KRT4: variants seen among roughly 807,000 people sequenced by gnomAD.
KRT4 encodes keratin, type II cytoskeletal 4.
A neutral mutation model predicts 50.6 loss-of-function variants in KRT4; 47 were observed. The observed-to-expected ratio is 0.93, with a 90% CI of 0.73 to 1.18. The LOEUF is 1.18. Ranked by LOEUF, KRT4 falls within the 50% of genes most tolerant of loss-of-function variation. KRT4 has a pLI of 0.00. For synonymous variants in KRT4, 254 were observed against 251.2 expected (o/e 1.01, Z -0.10); for missense variants, 651 against 645.7 (o/e 1.01, Z -0.09).
In KRT4 at chr12:52,809,397, C is replaced by T. The variant is rs759039275; in HGVS notation, c.820G>A (p.Val274Ile). Residue 274 changes from valine (V) to isoleucine (I), a missense_variant, in exon 4 of 9, where the codon GTC (valine) becomes ATC (isoleucine). By Grantham distance (29) the Val-to-Ile change is conservative (BLOSUM62 3). Coordinates refer to ENST00000551956, the MANE Select transcript of KRT4 (RefSeq NM_002272.4). ...SLNDEINFLK[V>I]LYDAELSQMQ... The stretch of plus-strand genomic sequence containing the variant: ...GGAGCCCTCACCGCATCATAGAGGA[C>T]CTTCAGGAAGTTGATCTCGTCATTA... 59 of 1,613,188 alleles carry T rather than the reference C, an allele frequency of 3.7e-5. 2 individuals carry two copies. The South Asian group carries it at 6.3e-4, about 17-fold the overall frequency.
At chr12:52,808,152 G>A in intron 6 of KRT4, 142 bp downstream of exon 6, 4 of 1,112,472 alleles carry the variant, frequency 3.6e-6, no homozygotes, top group South Asian at 1.3e-5. Flanking sequence ...AAAAATCTGG[G>A]TATGCCTTGC....
At chr12:52,807,513 T>G in intron 7 of KRT4, 120 bp from the exon 8 acceptor site, 1 of 1,484,478 alleles carries the variant, frequency 6.7e-7, no homozygotes, top group Non-Finnish European at 9.4e-7. Context: ...AGTGTGAACC[T>G]ATTAGCTGAG....
At chr12:52,809,294 G>A in intron 4 of KRT4, 89 bp downstream of exon 4, 2 of 978,568 alleles carry the variant, frequency 2.0e-6, no homozygotes, top group South Asian at 1.3e-5. Context: ...GGGAGCTGGA[G>A]TCCTTTCAAA....
At chr12:52,810,118 A>G (rs1939882886) in intron 3 of KRT4, among the ~76,000 whole-genome samples, 2 of 147,810 alleles carry the variant, frequency 1.4e-5, no homozygotes, top group Non-Finnish European at 1.5e-5. Flanking sequence ...GAGGGCTGGG[A>G]GGGGCTGGAT....
At position 52,813,723 on chromosome 12, in the gene KRT4, G is replaced by A. The variant is rs1371103833; in HGVS notation, c.336C>T (p.Val112=). The change falls in exon 1 of 9, where the codon GTC becomes GTT. Residue 112 remains valine (V), a synonymous_variant. Transcript: ENST00000551956. ...GGGTGAGCAAGCTCTGGTTGATGGTGACCTCCTGAATTCCCCCAGCGGGGC... is the reference window on the plus strand; with the variant it reads ...GGGTGAGCAAGCTCTGGTTGATGGTAACCTCCTGAATTCCCCCAGCGGGGC... The part of the protein sequence containing the change: ...PVCPAGGIQE[V]TINQSLLTPL... 1 of 1,614,030 alleles carries A rather than the reference G, an allele frequency of 6.2e-7. No individual in the cohort carries two copies. The highest frequency in any genetic ancestry group is 8.5e-7 in the Non-Finnish European group (1 of 1,179,972).
At position 52,813,482 on chromosome 12, in the gene KRT4, G is replaced by A. The variant is rs1399198033; in HGVS notation, c.462+115C>T. 2.6e-5 allele frequency: 23 copies of A among 890,124 alleles called. No homozygotes were observed. The Admixed American group carries it at 3.8e-4, about 15-fold the overall frequency. 55.1% of individuals were successfully genotyped at this position (890,124 alleles called of 1,614,324 possible). ...GCCCCTTCAACAGCTGGAGAATTGG[G>A]GCCCAGGGAAGTTCAGTGGTCTCCC... On this transcript the variant is annotated intron_variant, in intron 1 of 8. Coordinates refer to ENST00000551956, the MANE Select transcript of KRT4 (RefSeq NM_002272.4).
At position 52,809,065 on chromosome 12, in the gene KRT4, A is replaced by G. The variant is rs1020688243; in HGVS notation, c.835-215T>C. 7.1e-5 allele frequency: 47 copies of G among 658,198 alleles called. No individual in the cohort carries two copies. In the African/African-American group the frequency reaches 7.8e-4, roughly 11 times the overall value. The allele number at this position is 658,198 out of a possible 1,614,324, so 40.8% of individuals were successfully genotyped here. The stretch of plus-strand genomic sequence containing the variant: ...CAGGAACCATAAGCCACTCTAATGC[A>G]GTGAGTGCCGGTGTGTTGGAATGGA... On this transcript the variant is annotated intron_variant, in intron 4 of 8. Coordinates refer to ENST00000551956, the MANE Select transcript of KRT4 (RefSeq NM_002272.4).
intron 3 of KRT4, among the ~76,000 whole-genome samples, chr12:52,810,499 A>T (rs1406039325): frequency 6.6e-6 from 1 of 152,140 alleles, no homozygotes; most frequent in Non-Finnish European, 1.5e-5. Flanking sequence ...GTGACCCAAG[A>T]TCGCGCCATT....
chr12:52,813,568 G>C (rs1939948050), intron 1 of KRT4, 29 bp downstream of exon 1: 4 of 1,593,946 alleles, frequency 2.5e-6, no homozygotes, highest in African/African-American at 2.7e-5. Flanking sequence ...TCTTCTAACT[G>C]CCCCTCTCCA....
chr12:52,813,370 G>A (rs17119471), intron 1 of KRT4, among the ~76,000 whole-genome samples: 2 of 152,188 alleles, frequency 1.3e-5, no homozygotes, highest in East Asian at 3.8e-4. Flanking sequence ...CCCACAGCCT[G>A]TCTAGGGAAT....
intron 4 of KRT4, 155 bp downstream of exon 4, chr12:52,809,228 C>T: frequency 1.4e-6 from 1 of 712,530 alleles, no homozygotes; most frequent in Non-Finnish European, 2.6e-6. Context: ...AGTTGAATTT[C>T]CCACTTCAAA....
In KRT4 at chr12:52,810,793, C is replaced by T. The variant is rs1405060384; in HGVS notation, c.701G>A (p.Arg234His). The part of the protein sequence containing the change: ...KTKYEEEINK[R>H]TAAENDFVVL... The stretch of plus-strand genomic sequence containing the variant: ...CACAAAGTCATTCTCGGCTGCTGTG[C>T]GTTTGTTGATCTCCTCTTCATACCT... The change falls in exon 3 of 9, where the codon CGC becomes CAC. Residue 234 changes from arginine (R) to histidine (H), a missense_variant. Transcript: ENST00000551956. The T allele has an allele frequency of 2.5e-6, 4 of 1,613,938 alleles. No individual in the cohort carries two copies. The highest frequency in any genetic ancestry group is 1.6e-4 in the Middle Eastern group (1 of 6,084).
chr12:52,810,908 A>G (rs1045793286), intron 2 of KRT4, 92 bp from the exon 3 acceptor site: 1 of 1,014,956 alleles, frequency 9.9e-7, no homozygotes, highest in African/African-American at 1.6e-5. Flanking sequence ...ATTTCCAAAC[A>G]AATTTGGAAA....
intron 1 of KRT4, among the ~76,000 whole-genome samples, chr12:52,813,185 C>T (rs995357494): frequency 1.1e-4 from 16 of 152,178 alleles, no homozygotes; most frequent in African/African-American, 3.6e-4. Context: ...TTTTCATTTG[C>T]AAAATCAGCT....
Position 52,809,369 on chromosome 12 carries a change from G to A in KRT4, c.834+14C>T. On this transcript the variant is annotated intron_variant, in intron 4 of 8. Coordinates refer to ENST00000551956, the MANE Select transcript of KRT4 (RefSeq NM_002272.4). ...TTCCCTTTCCCTGGATGGAGGGGAGGATGGAGCCCTCACCGCATCATAGAG... is the reference window on the plus strand; with the variant it reads ...TTCCCTTTCCCTGGATGGAGGGGAGAATGGAGCCCTCACCGCATCATAGAG... 6.3e-7 allele frequency: 1 copy of A among 1,584,954 alleles called. No homozygotes were observed. Among genetic ancestry groups the A allele is most frequent in the Non-Finnish European group, 8.7e-7 (1 of 1,153,312 alleles).
rs376868011 is a variant in KRT4, at chr12:52,813,962, C to A, written c.97G>T (p.Val33Phe). ...CGGCCAGCACCTCCAGACATGGAGA[C>A]TGAGCTGAAGGCACCTCTCTTGCCA... ...GGGKRGAFSS[V>F]SMSGGAGRCS... The change falls in exon 1 of 9, where the codon GTC (valine) becomes TTC (phenylalanine). Residue 33 changes from valine (V) to phenylalanine (F), a missense_variant. Physicochemically the swap from Val to Phe is conservative, Grantham distance 50. Transcript: ENST00000551956. 2 of 1,614,196 alleles carry A rather than the reference C, an allele frequency of 1.2e-6. No homozygotes were observed. Among genetic ancestry groups the A allele is most frequent in the Non-Finnish European group, 1.7e-6 (2 of 1,180,042 alleles).
In KRT4 at chr12:52,808,750, C is replaced by T. The variant is rs771424414; in HGVS notation, c.935G>A (p.Arg312His). Residue 312 changes from arginine to histidine, a missense_variant, in exon 5 of 9, where the codon CGT becomes CAT. By Grantham distance (29) the Arg-to-His change is conservative. Transcript: ENST00000551956. The stretch of plus-strand genomic sequence containing the variant: ...CTGGGCAATCTCCTCGTACTGGGCA[C>T]GGACCTCGGCAATAATGCTGTCCAG... ...LDLDSIIAEV[R>H]AQYEEIAQRS... The T allele has an allele frequency of 3.7e-6, 6 of 1,614,192 alleles. No individual in the cohort carries two copies. In the Admixed American group the frequency reaches 5.0e-5, roughly 13 times the overall value.
chr12:52,812,073 A>AC, intron 1 of KRT4, 96 bp from the exon 2 acceptor site: 3 of 985,318 alleles, frequency 3.0e-6, no homozygotes, highest in Non-Finnish European at 4.7e-6. Flanking sequence ...CCAGGGAACT[A>AC]CACGGCCCAA....
rs930804224 is a variant in KRT4 at position 52,808,346 on chromosome 12, A to G, written c.1073T>C (p.Leu358Pro). The G allele has an allele frequency of 6.8e-6, 11 of 1,613,956 alleles. No individual in the cohort carries two copies. The highest frequency in any genetic ancestry group is 9.3e-6 in the Non-Finnish European group (11 of 1,179,992). ...CCGCAGCCTCTGGATCATCCTGTTG[A>G]GCTCTGCAATTTCACTCTTGGTGTT... ...LKNTKSEIAELNRMIQRLRAE... is the reference protein window; with the variant it reads ...LKNTKSEIAEPNRMIQRLRAE... Residue 358 changes from leucine (L) to proline (P), a missense_variant, in exon 6 of 9, where the codon CTC (leucine) becomes CCC (proline). Physicochemically the swap from Leu to Pro is moderately conservative, Grantham distance 98. Coordinates refer to ENST00000551956, the MANE Select transcript of KRT4 (RefSeq NM_002272.4).
Sources: allele counts gnomAD v4.1 joint callset (sites outside exome capture counted in the v4.1 genomes callset), GRCh38; gene constraint gnomAD v4.1.1; transcripts MANE v1.5; gene names NCBI Gene and HGNC (gene_info 2026-07-23, HGNC 2026-07-21).